The following RBM24 variants were observed in gnomAD, a reference collection of about 807,000 sequenced individuals.
The protein encoded by RBM24 is RNA binding motif protein 24.
RBM24 carries 5 observed loss-of-function variants against 23.6 expected under a neutral mutation model. The ratio of observed to expected loss-of-function variants is 0.21; its 90% CI spans 0.11 to 0.45. The LOEUF (loss-of-function observed/expected upper bound fraction) is 0.45. Ranked by LOEUF, RBM24 falls within the 20% of genes least tolerant of loss-of-function variation. The pLI, the probability that RBM24 is intolerant of heterozygous loss-of-function variation, is 0.99. For synonymous variants in RBM24, 151 were observed against 129.5 expected (o/e 1.17, Z -1.13); for missense variants, 252 against 314.6 (o/e 0.80, Z 1.51).
intron 3 of RBM24, among the ~76,000 whole-genome samples, chr6:17,290,472 A>T (rs1561737303): frequency 1.3e-5 from 2 of 152,134 alleles, no homozygotes; most frequent in African/African-American, 4.8e-5. Flanking sequence ...ACCTCTTGTG[A>T]TTTATTTTTT....
chr6:17,289,891 T>C (rs1489313818), intron 3 of RBM24: 2 of 1,246,458 alleles, frequency 1.6e-6, no homozygotes, highest in Admixed American at 5.0e-5. Context: ...GGGACAGTGT[T>C]TCATAAAGCC....
intron 2 of RBM24, among the ~76,000 whole-genome samples, chr6:17,283,293 A>G (rs1033000498): frequency 1.3e-5 from 2 of 152,154 alleles, no homozygotes; most frequent in Non-Finnish European, 2.9e-5. Context: ...TTCAGCTAAT[A>G]TACTTCCCTA....
chr6:17,288,312 G>A (rs1363793018), intron 3 of RBM24: 1 of 985,322 alleles, frequency 1.0e-6, no homozygotes, highest in Non-Finnish European at 1.2e-6. Context: ...TCAGATAAGA[G>A]AGACGAACAT....
rs113942099 is a variant in RBM24 at position 17,282,956 on chromosome 6, C to G, written c.292+28C>G. 4,043 of 1,540,000 alleles carry G rather than the reference C, an allele frequency of 2.6e-3. 11 individuals carry two copies. Among genetic ancestry groups the G allele is most frequent in the Middle Eastern group, 5.2e-3 (31 of 5,928 alleles). On this transcript the variant is annotated intron_variant, in intron 2 of 3. Coordinates refer to ENST00000379052, the MANE Select transcript of RBM24 (RefSeq NM_001143942.2). Reference sequence around the variant, plus strand: ...GAGAAATGTCTGTCTCCCCTACCCCCCTCTCCAAGAACCCCCCATTTATGG... The same window carrying G: ...GAGAAATGTCTGTCTCCCCTACCCCGCTCTCCAAGAACCCCCCATTTATGG...
At chr6:17,282,729 C>A (rs768900478) in intron 1 of RBM24, 76 bp from the exon 2 acceptor site, 18 of 1,583,676 alleles carry the variant, frequency 1.1e-5, no homozygotes, top group Non-Finnish European at 1.6e-5. Context: ...AATGACTTCT[C>A]CATTGTGATT....
At chr6:17,288,793 T>A in intron 3 of RBM24, 1 of 985,290 alleles carries the variant, frequency 1.0e-6, no homozygotes, top group Non-Finnish European at 1.2e-6. Flanking sequence ...AAGGAAATAC[T>A]AGAAAGGTGT....
intron 3 of RBM24, chr6:17,290,899 G>C (rs1460657569): frequency 7.8e-7 from 1 of 1,287,370 alleles, no homozygotes; most frequent in South Asian, 1.2e-5. Flanking sequence ...AACAGGTTTG[G>C]TTGACCGTTG....
intron 3 of RBM24, chr6:17,289,276 C>A: frequency 1.0e-6 from 1 of 985,422 alleles, no homozygotes; most frequent in Non-Finnish European, 1.2e-6. Context: ...CAGTCCAATT[C>A]TGCCTTCCTT....
chr6:17,289,940 A>C, intron 3 of RBM24: 1 of 1,283,706 alleles, frequency 7.8e-7, no homozygotes, highest in Non-Finnish European at 1.0e-6. Context: ...CCTGACCTGC[A>C]GCAAAGTTCT....
intron 2 of RBM24, 35 bp from the exon 3 acceptor site, chr6:17,284,622 G>A: frequency 3.2e-6 from 5 of 1,543,600 alleles, no homozygotes; most frequent in Non-Finnish European, 4.4e-6. Flanking sequence ...GCCTAACCAT[G>A]CACAAATAAA....
intron 2 of RBM24, 29 bp from the exon 3 acceptor site, chr6:17,284,628 A>G (rs1251963792): frequency 1.9e-6 from 3 of 1,580,266 alleles, no homozygotes; most frequent in African/African-American, 1.3e-5. Flanking sequence ...CCATGCACAA[A>G]TAAAGAATGT....
intron 3 of RBM24, among the ~76,000 whole-genome samples, chr6:17,286,780 G>A (rs535974338): frequency 3.9e-5 from 6 of 152,276 alleles, no homozygotes; most frequent in East Asian, 1.9e-4. Flanking sequence ...GGAGTGAGCC[G>A]AAGCAGAGGC....
At chr6:17,289,300 AT>A (rs1760285059) in intron 3 of RBM24, 1 of 985,284 alleles carries the variant, frequency 1.0e-6, no homozygotes, top group African/African-American at 1.7e-5. Flanking sequence ...GACCCAGGAT[AT>A]TTTAGGCTCT....
intron 3 of RBM24, among the ~76,000 whole-genome samples, chr6:17,287,888 C>CT: frequency 6.6e-6 from 1 of 152,188 alleles, no homozygotes; most frequent in Non-Finnish European, 1.5e-5. Flanking sequence ...CTCAGTACCC[C>CT]TTTAAGTGCT....
In RBM24 at chr6:17,281,665, C is replaced by G; in HGVS notation, c.84C>G (p.Arg28=). 1 of 1,551,140 alleles carries G rather than the reference C, an allele frequency of 6.4e-7. No individual in the cohort carries two copies. Among genetic ancestry groups the G allele is most frequent in the Non-Finnish European group, 8.7e-7 (1 of 1,146,930 alleles). ...LPYHTTDASL[R]KYFEVFGEIE... ...ACCACACCACCGACGCCAGCCTGCG[C>G]AAGTACTTCGAGGTCTTCGGCGAGA... Residue 28 remains arginine (R), a synonymous_variant, in exon 1 of 4, where the codon CGC becomes CGG. Transcript: ENST00000379052. The surrounding 1 kb of genome is among the most constrained non-coding windows in gnomAD (Gnocchi z 7.1).
In RBM24 at chr6:17,282,302, C is replaced by T. The variant is rs969700385; in HGVS notation, c.169-503C>T. On this transcript the variant is annotated intron_variant, in intron 1 of 3. Coordinates refer to ENST00000379052, the MANE Select transcript of RBM24 (RefSeq NM_001143942.2). ...TAAGCTTCCTTCCTAGAGATTTAAG[C>T]GTGCAAATTCAGCTGCCGAAGAGCA... The T allele has an allele frequency of 8.1e-6, 10 of 1,240,960 alleles. No individual in the cohort carries two copies. In the South Asian group the frequency reaches 8.7e-5, roughly 11 times the overall value. 76.9% of individuals were successfully genotyped at this position (1,240,960 alleles called of 1,614,324 possible).
intron 2 of RBM24, among the ~76,000 whole-genome samples, chr6:17,283,277 G>T (rs1398937322): frequency 6.6e-6 from 1 of 152,102 alleles, no homozygotes; most frequent in African/African-American, 2.4e-5. Flanking sequence ...GGCCAAATTT[G>T]TCGACTTCAG....
intron 3 of RBM24, chr6:17,284,940 GCAAAA>G (rs1010997093): frequency 1.5e-5 from 6 of 397,242 alleles, no homozygotes; most frequent in Non-Finnish European, 2.7e-5. Flanking sequence ...CTTATGATTA[GCAAAA>G]CAAAACAAAA....
intron 3 of RBM24, chr6:17,288,899 T>C (rs535643150): frequency 1.2e-5 from 12 of 985,334 alleles, no homozygotes; most frequent in Non-Finnish European, 1.4e-5. Flanking sequence ...AGGATTACTT[T>C]GAGCAAATGA....
Sources: gnomAD v4.1 joint callset for allele counts (sites outside exome capture counted in the v4.1 genomes callset) on GRCh38, gnomAD v4.1.1 for gene constraint, Gnocchi (gnomAD v3.1) non-coding constraint, MANE v1.5 for transcripts, NCBI Gene and HGNC (gene_info 2026-07-23, HGNC 2026-07-21) for gene names.